Variants in TNK2 observed in about 807,000 individuals in gnomAD.
TNK2 encodes the protein tyrosine kinase non receptor 2, also known as activated CDC42 kinase 1.
A neutral mutation model predicts 101.8 loss-of-function variants in TNK2; 83 were observed. That is an observed-to-expected ratio of 0.82 (90% CI 0.68 to 0.98). TNK2 has a LOEUF of 0.98. Among genes scored for constraint, TNK2 ranks in the 50% least tolerant of loss-of-function variants. The pLI, the probability that TNK2 is intolerant of heterozygous loss-of-function variation, is 0.00. For missense variants in TNK2, 1,665 were observed against 1,483.2 expected, an observed-to-expected ratio of 1.12 and a Z score of -2.01; for synonymous variants, 804 against 633.0, an observed-to-expected ratio of 1.27 and a Z score of -4.06.
chr3:195,888,856 G>A lies in TNK2; in HGVS notation c.-18-250C>T, dbSNP rs1381398547. On this transcript the variant is annotated intron_variant, in intron 1 of 15. Transcript: ENST00000672887. The surrounding 1 kb of genome is among the most constrained non-coding windows in gnomAD (Gnocchi z 5.3). ...AGTCAGGAGTCAGGGTCTTGCTCCC[G>A]AAATGTGATCTGTGACTGAGTGACC... Among the ~76,000 whole-genome samples, 19 of 152,128 alleles carry A rather than the reference G, an allele frequency of 1.2e-4. No homozygotes were observed. The highest frequency in any genetic ancestry group is 2.6e-4 in the Admixed American group (4 of 15,270).
At chr3:195,895,565 G>A (rs996280943) in intron 1 of TNK2, 2 of 1,323,226 alleles carry the variant, frequency 1.5e-6, no homozygotes, top group Non-Finnish European at 1.9e-6. Flanking sequence ...CCTCTCCGGG[G>A]CGCGGCTCCC....
intron 15 of TNK2, among the ~76,000 whole-genome samples, chr3:195,864,489 G>C (rs1739232334): frequency 5.3e-5 from 8 of 150,810 alleles, no homozygotes; most frequent in Admixed American, 5.3e-4. Flanking sequence ...GTGACACGGA[G>C]TGCCTGCATC....
intron 9 of TNK2, among the ~76,000 whole-genome samples, chr3:195,874,152 C>T (rs1747466080): frequency 6.6e-6 from 1 of 152,172 alleles, no homozygotes; most frequent in African/African-American, 2.4e-5. Flanking sequence ...GCGGGCCAGA[C>T]GCCGGACTCT....
chr3:195,888,694 T>C lies in TNK2; in HGVS notation c.-18-88A>G. 1 of 1,294,962 alleles carries C rather than the reference T, an allele frequency of 7.7e-7. No homozygotes were observed. The highest frequency in any genetic ancestry group is 1.0e-6 in the Non-Finnish European group (1 of 958,922). 80.2% of individuals were successfully genotyped at this position (1,294,962 alleles called of 1,614,324 possible). On this transcript the variant is annotated intron_variant, in intron 1 of 15. Transcript: ENST00000672887. This position sits in a 1 kb window ranked among gnomAD's most constrained non-coding sequence, Gnocchi z 5.3. ...TGACCTGGGCTCACCTTCATCCCACTACACGGCCACCCGGAAGGGCTCACA... is the reference window on the plus strand; with the variant it reads ...TGACCTGGGCTCACCTTCATCCCACCACACGGCCACCCGGAAGGGCTCACA...
chr3:195,867,108 G>T, intron 14 of TNK2, 61 bp downstream of exon 14: 1 of 1,608,322 alleles, frequency 6.2e-7, no homozygotes, highest in Non-Finnish European at 8.5e-7. Context: ...CGTGGGGCTG[G>T]GGGCAGCAGA....
At chr3:195,877,869 C>T (rs952296849) in intron 9 of TNK2, among the ~76,000 whole-genome samples, 4 of 152,108 alleles carry the variant, frequency 2.6e-5, no homozygotes, top group African/African-American at 7.2e-5. Flanking sequence ...TACTGAAACG[C>T]ACCCAGGTGG....
rs1036101042 is a variant in TNK2 at position 195,868,262 on chromosome 3, C to G, written c.2036G>C (p.Ser679Thr). Reference sequence around the variant, plus strand: ...AAAGGCGTAGTTGGTCTGGCCCTGGCTGGGCCCGGCAGGGACCCCCGCGCC... The same window carrying G: ...AAAGGCGTAGTTGGTCTGGCCCTGGGTGGGCCCGGCAGGGACCCCCGCGCC... The part of the protein sequence containing the change: ...LVGAGVPAGP[S>T]QGQTNYAFVP... The change falls in exon 13 of 16, where the codon AGC becomes ACC. Residue 679 changes from serine to threonine, a missense_variant. Around this residue, in one of 3 missense-constraint regions of TNK2, gnomAD observed 1,136 missense variants for 894.9 expected, o/e 1.27. Coordinates refer to ENST00000672887, the MANE Select transcript of TNK2 (RefSeq NM_001382273.1). The G allele has an allele frequency of 6.2e-7, 1 of 1,604,530 alleles. No homozygotes were observed. Among genetic ancestry groups the G allele is most frequent in the Admixed American group, 1.7e-5 (1 of 59,952 alleles).
chr3:195,894,892 T>C (rs1465833610), intron 1 of TNK2, among the ~76,000 whole-genome samples: 1 of 152,224 alleles, frequency 6.6e-6, no homozygotes, highest in Admixed American at 6.5e-5. Context: ...TCTGGCTTGA[T>C]ATTCATATTC....
At chr3:195,893,835 T>G (rs2149781109) in intron 1 of TNK2, among the ~76,000 whole-genome samples, 1 of 152,250 alleles carries the variant, frequency 6.6e-6, no homozygotes, top group Admixed American at 6.5e-5. Flanking sequence ...GGAGCAGGGC[T>G]TTGGGGACTC....
intron 15 of TNK2, among the ~76,000 whole-genome samples, chr3:195,865,985 C>A (rs897310774): frequency 5.3e-5 from 8 of 151,946 alleles, no homozygotes. Context: ...CAGGGCCTGG[C>A]CCGTGTCAGC....
At chr3:195,884,233 C>T (rs1405558415) in intron 4 of TNK2, 4 of 152,048 alleles carry the variant, frequency 2.6e-5, no homozygotes, top group Admixed American at 2.0e-4. Flanking sequence ...GGAAGAGGCT[C>T]GGCTTCCTCT....
intron 1 of TNK2, chr3:195,892,359 TGCTGAGGA>T: frequency 1.4e-6 from 2 of 1,474,992 alleles, no homozygotes; most frequent in Non-Finnish European, 1.8e-6. Flanking sequence ...CAAGTGCTGG[TGCTGAGGA>T]GCCCAACCAG....
chr3:195,893,620 G>C (rs1428484167), intron 1 of TNK2, among the ~76,000 whole-genome samples: 1 of 149,780 alleles, frequency 6.7e-6, no homozygotes, highest in African/African-American at 2.4e-5. Flanking sequence ...CTCCTCAAAG[G>C]GTGCCAGCTG....
At chr3:195,892,534 G>T (rs1165286765) in intron 1 of TNK2, 4 of 1,530,268 alleles carry the variant, frequency 2.6e-6, no homozygotes, top group Admixed American at 2.0e-5. Context: ...GGATCCAGTG[G>T]CCTCGGCTCC....
chr3:195,892,032 T>G (rs2149743117), intron 1 of TNK2: 1 of 1,035,096 alleles, frequency 9.7e-7, no homozygotes, highest in East Asian at 7.9e-5. Context: ...GGTCAGGGTC[T>G]CAGTCCAGGG....
At chr3:195,890,093 A>G (rs1384855851) in intron 1 of TNK2, among the ~76,000 whole-genome samples, 1 of 152,236 alleles carries the variant, frequency 6.6e-6, no homozygotes, top group Non-Finnish European at 1.5e-5. Flanking sequence ...AAGAGTAACA[A>G]AGGGGAATGA....
intron 1 of TNK2, chr3:195,895,194 C>A (rs1420364509): frequency 7.6e-6 from 11 of 1,445,138 alleles, no homozygotes; most frequent in Non-Finnish European, 1.0e-5. Context: ...TCACAGCAGA[C>A]GAAGGGGTCT....
In TNK2 at chr3:195,885,386, C is replaced by G. The variant is rs1375224117; in HGVS notation, c.235-353G>C. The G allele has an allele frequency of 7.4e-7, 1 of 1,343,350 alleles. No homozygotes were observed. Among genetic ancestry groups the G allele is most frequent in the South Asian group, 1.3e-5 (1 of 77,182 alleles). The allele number at this position is 1,343,350 out of a possible 1,614,324, so 83.2% of individuals were successfully genotyped here. A position where few individuals can be genotyped will look rare whatever the true frequency, so the allele number is the denominator to read the frequency against. On this transcript the variant is annotated intron_variant, in intron 3 of 15. Coordinates refer to ENST00000672887, the MANE Select transcript of TNK2 (RefSeq NM_001382273.1). This position sits in a 1 kb window ranked among gnomAD's most constrained non-coding sequence, Gnocchi z 4.7. ...CTGCCCCACCCTCCCTTCCTGCACC[C>G]GCCACCCCGCAGACTCCAGCCCTAA... is the stretch of plus-strand genomic sequence containing the variant.
intron 1 of TNK2, among the ~76,000 whole-genome samples, chr3:195,891,262 C>T (rs144447654): frequency 2.1e-3 from 316 of 152,238 alleles, no homozygotes; most frequent in African/African-American, 7.2e-3. Flanking sequence ...GAAAATTAGC[C>T]GGGCCTGGTG....
Sources: gnomAD v4.1 joint callset for allele counts (sites outside exome capture counted in the v4.1 genomes callset) on GRCh38, gnomAD v4.1.1 for gene constraint, gnomAD v4.1.1 regional missense constraint, Gnocchi (gnomAD v3.1) non-coding constraint, MANE v1.5 for transcripts, NCBI Gene and HGNC (gene_info 2026-07-23, HGNC 2026-07-21) for gene names.